The following CLASP1 variants were observed in gnomAD, a reference collection of about 807,000 sequenced individuals.
The protein encoded by CLASP1 is CLIP-associating protein 1.
A neutral mutation model predicts 192.3 loss-of-function variants in CLASP1; 38 were observed. The observed-to-expected ratio is 0.20, with a 90% CI of 0.15 to 0.26. The LOEUF is 0.26. Ranked by LOEUF, CLASP1 falls within the 10% of genes least tolerant of loss-of-function variation. The pLI is 1.00. For synonymous variants in CLASP1, 691 were observed against 712.8 expected, an observed-to-expected ratio of 0.97 and a Z score of 0.49; for missense variants, 1,433 against 1,932.5, an observed-to-expected ratio of 0.74 and a Z score of 4.85.
chr2:121,447,515 G>A lies in CLASP1; in HGVS notation c.1742-8C>T, dbSNP rs1340377451. On this transcript the variant is annotated splice_region_variant and splice_polypyrimidine_tract_variant and intron_variant, in intron 18 of 39. Coordinates refer to ENST00000263710, the Ensembl canonical transcript of CLASP1. The stretch of plus-strand genomic sequence containing the variant: ...TGGTACTAACTGTAGAAGCTTTAGT[G>A]ATAAAGGAGGAAATATGAATAAGGA... 2 of 1,547,086 alleles carry A rather than the reference G, an allele frequency of 1.3e-6. No homozygotes were observed. Among genetic ancestry groups the A allele is most frequent in the Non-Finnish European group, 8.7e-7 (1 of 1,143,594 alleles).
chr2:121,547,379 C>G (rs1364018418), intron 2 of CLASP1, among the ~76,000 whole-genome samples: 1 of 152,090 alleles, frequency 6.6e-6, no homozygotes, highest in Non-Finnish European at 1.5e-5. Context: ...GTCCGTCTCC[C>G]AAGGGCCCAC....
chr2:121,411,078 C>T, intron 23 of CLASP1, 109 bp from the exon 25 acceptor site: 1 of 677,204 alleles, frequency 1.5e-6, no homozygotes, highest in Non-Finnish European at 2.4e-6. Flanking sequence ...ACTGAAAAGT[C>T]TCTAGCCAAT....
chr2:121,560,590 T>A (rs1178544234), intron 2 of CLASP1, among the ~76,000 whole-genome samples: 1 of 152,192 alleles, frequency 6.6e-6, no homozygotes, highest in Non-Finnish European at 1.5e-5. Context: ...TGAATCCACA[T>A]CCAAGAACAT....
At chr2:121,398,927 A>G (rs1378172060) in intron 28 of CLASP1, among the ~76,000 whole-genome samples, 1 of 152,224 alleles carries the variant, frequency 6.6e-6, no homozygotes, top group Non-Finnish European at 1.5e-5. Flanking sequence ...AATCACACAC[A>G]GAAGCCTGGG....
intron 1 of CLASP1, among the ~76,000 whole-genome samples, chr2:121,609,588 A>C (rs2105945029): frequency 6.6e-6 from 1 of 152,314 alleles, no homozygotes; most frequent in Non-Finnish European, 1.5e-5. Context: ...TTCACAAGGT[A>C]CAAAAGTGCA....
intron 19 of CLASP1, among the ~76,000 whole-genome samples, chr2:121,440,626 G>C (rs1313306158): frequency 2.0e-5 from 3 of 152,188 alleles, no homozygotes; most frequent in Non-Finnish European, 4.4e-5. Flanking sequence ...GGCAAGTCAA[G>C]GCGGCAGTGA....
Position 121,380,010 on chromosome 2 carries a change from T to C in CLASP1, c.3491+2198A>G, listed in dbSNP as rs989869069. On this transcript the variant is annotated intron_variant, in intron 33 of 39. Coordinates refer to ENST00000263710, the Ensembl canonical transcript of CLASP1. ...TCTTTTAGACTCACTAGCCTGGGGT[T>C]TGAAGTATCTCCTTGGTATGAAGCT... Among the ~76,000 whole-genome samples the C allele has an allele frequency of 3.3e-5, 5 of 152,326 alleles. No homozygotes were observed. The East Asian group carries it at 5.8e-4, about 18-fold the overall frequency.
intron 1 of CLASP1, among the ~76,000 whole-genome samples, chr2:121,614,202 A>G (rs979748946): frequency 1.3e-5 from 2 of 152,238 alleles, no homozygotes; most frequent in Admixed American, 1.3e-4. Context: ...GTCCGCATTA[A>G]AAGTGTGAGG....
chr2:121,583,721 C>T (rs963105272), intron 2 of CLASP1, among the ~76,000 whole-genome samples: 2 of 152,130 alleles, frequency 1.3e-5, no homozygotes, highest in African/African-American at 2.4e-5. Context: ...CTCTTTCGTT[C>T]TTCACTGCTA....
At chr2:121,508,828 A>T (rs984160371) in intron 7 of CLASP1, among the ~76,000 whole-genome samples, 1 of 152,198 alleles carries the variant, frequency 6.6e-6, no homozygotes, top group Non-Finnish European at 1.5e-5. Flanking sequence ...CACAAAAGAG[A>T]GCTAGAATGG....
chr2:121,566,466 G>A (rs1234540276), intron 2 of CLASP1, among the ~76,000 whole-genome samples: 1 of 152,174 alleles, frequency 6.6e-6, no homozygotes, highest in Non-Finnish European at 1.5e-5. Flanking sequence ...GAAAGACTGG[G>A]TTTTCAAGTA....
chr2:121,351,608 A>G (rs2064427804), intron 37 of CLASP1, among the ~76,000 whole-genome samples: 1 of 152,174 alleles, frequency 6.6e-6, no homozygotes, highest in Non-Finnish European at 1.5e-5. Flanking sequence ...AGCCCTGAGT[A>G]AAGGCTAGGA....
At chr2:121,522,965 A>G (rs1335767827) in intron 6 of CLASP1, among the ~76,000 whole-genome samples, 2 of 152,208 alleles carry the variant, frequency 1.3e-5, no homozygotes, top group African/African-American at 2.4e-5. Context: ...TGGCCTTCTG[A>G]GAGTCTTCTA....
chr2:121,410,287 A>G (rs1353329599), intron 24 of CLASP1, among the ~76,000 whole-genome samples: 1 of 152,204 alleles, frequency 6.6e-6, no homozygotes, highest in Non-Finnish European at 1.5e-5. Flanking sequence ...CAAAAAAATT[A>G]AAGGATCCAT....
intron 2 of CLASP1, among the ~76,000 whole-genome samples, chr2:121,587,974 G>C (rs2061918472): frequency 6.6e-6 from 1 of 151,926 alleles, no homozygotes. Context: ...GGAGGTTCAA[G>C]ACTAGCCTGG....
At chr2:121,473,067 T>C (rs2091037817) in intron 8 of CLASP1, among the ~76,000 whole-genome samples, 1 of 152,008 alleles carries the variant, frequency 6.6e-6, no homozygotes, top group Admixed American at 6.5e-5. Flanking sequence ...TCCTTCACTA[T>C]GTACAGAGAA....
chr2:121,366,281 G>C (rs2067389703), intron 35 of CLASP1, among the ~76,000 whole-genome samples: 1 of 152,220 alleles, frequency 6.6e-6, no homozygotes, highest in African/African-American at 2.4e-5. Context: ...CTCCCAGGAA[G>C]TGCCAGTCCT....
intron 2 of CLASP1, among the ~76,000 whole-genome samples, chr2:121,562,740 T>C (rs1576016528): frequency 6.6e-6 from 1 of 152,210 alleles, no homozygotes; most frequent in Admixed American, 6.5e-5. Flanking sequence ...GTTTTATTAT[T>C]GTTCAGGTTT....
At chr2:121,422,935 T>C (rs1036884893) in intron 22 of CLASP1, among the ~76,000 whole-genome samples, 2 of 152,118 alleles carry the variant, frequency 1.3e-5, no homozygotes, top group Admixed American at 1.3e-4. Flanking sequence ...TCCTCTTTTT[T>C]TCAACAATTA....
Sources: gnomAD v4.1 joint callset for allele counts (sites outside exome capture counted in the v4.1 genomes callset) on GRCh38, gnomAD v4.1.1 for gene constraint, MANE v1.5 for transcripts, NCBI Gene and HGNC (gene_info 2026-07-23, HGNC 2026-07-21) for gene names.